VGLL1: variants seen among roughly 807,000 people sequenced by gnomAD.
VGLL1 encodes vestigial like family member 1.
In VGLL1, 4 loss-of-function variants were observed where a neutral mutation model predicts 12.0. The ratio of observed to expected loss-of-function variants is 0.33; its 90% CI spans 0.16 to 0.76. The LOEUF (loss-of-function observed/expected upper bound fraction) is 0.76. VGLL1 is among the 30% of genes least tolerant of loss of function. The probability of loss-of-function intolerance (pLI) is 0.60; values close to 1 mark genes in which losing one functional copy is unlikely to be tolerated. For missense variants in VGLL1, 204 were observed against 208.7 expected, an observed-to-expected ratio of 0.98 and a Z score of 0.14; for synonymous variants, 87 against 81.2, an observed-to-expected ratio of 1.07 and a Z score of -0.39.
At chrX:136,535,100 C>T (rs2075835821) in intron 1 of VGLL1, among the ~76,000 whole-genome samples, 1 of 111,683 alleles carries the variant, frequency 9.0e-6, no homozygotes, top group African/African-American at 3.3e-5. Flanking sequence ...TGAGGGCCCA[C>T]GGTGTGCCAG....
At chrX:136,539,416 A>G (rs971156771) in intron 2 of VGLL1, among the ~76,000 whole-genome samples, 3 of 111,688 alleles carry the variant, frequency 2.7e-5, no homozygotes, top group Non-Finnish European at 5.6e-5. Context: ...AAGGTTACCC[A>G]GTGACCTCCA....
At chrX:136,536,417 G>A (rs891789798) in intron 2 of VGLL1, among the ~76,000 whole-genome samples, 183 bp downstream of exon 2, 1 of 111,488 alleles carries the variant, frequency 9.0e-6, no homozygotes, top group African/African-American at 3.3e-5. Flanking sequence ...GCCATCTACT[G>A]CTCCAACCTT....
At chrX:136,552,024 C>T (rs1480022471) in intron 4 of VGLL1, among the ~76,000 whole-genome samples, 1 of 111,605 alleles carries the variant, frequency 9.0e-6, no homozygotes, top group Non-Finnish European at 1.9e-5. Flanking sequence ...AATCTATAGA[C>T]CCCACTAGAA....
At chrX:136,532,597 CTTT>C in intron 1 of VGLL1, among the ~76,000 whole-genome samples, 1 of 74,838 alleles carries the variant, frequency 1.3e-5, no homozygotes, top group Non-Finnish European at 2.5e-5. Flanking sequence ...TTCTTTCTTT[CTTT>C]CTTTCTTTCT....
At chrX:136,541,497 CA>C (rs1242639927) in intron 2 of VGLL1, among the ~76,000 whole-genome samples, 1 of 112,609 alleles carries the variant, frequency 8.9e-6, no homozygotes, top group African/African-American at 3.2e-5. Flanking sequence ...TCTGCTGCCT[CA>C]GGGGAGGGCC....
chrX:136,551,227 T>G (rs775738408), intron 4 of VGLL1, among the ~76,000 whole-genome samples: 7 of 109,822 alleles, frequency 6.4e-5, no homozygotes, highest in African/African-American at 2.3e-4. Flanking sequence ...TTCTTTTATT[T>G]ATTTCTTTTT....
rs958693659 is a variant in VGLL1, at chrX:136,548,987, C to T, written c.613C>T (p.Leu205=). The change falls in exon 3 of 5, where the codon CTG becomes TTG. Residue 205 remains leucine, a synonymous_variant. Transcript: ENST00000370634. ...TGGAAGCACAGGGTTGCTCTTCAAC[C>T]TGCCTCCCGGCTCAGTTCACTGTAA... ...IAGSTGLLFN[L]PPGSVHYKKL... is the part of the protein sequence containing the mutation. 8.3e-7 allele frequency: 1 copy of T among 1,208,260 alleles called. No individual in the cohort carries two copies. The highest frequency in any genetic ancestry group is 1.7e-5 in the African/African-American group (1 of 57,266).
chrX:136,550,608 CAG>C lies in VGLL1; in HGVS notation c.635-158_635-157del. 7.2e-6 allele frequency: 3 copies of C among 417,772 alleles called. No individual in the cohort carries two copies. The South Asian group carries it at 1.3e-4, about 17-fold the overall frequency. The allele number at this position is 417,772 out of a possible 1,213,427, so 34.4% of individuals were successfully genotyped here. ...CTTGGAAGGTGGTGGACCTTTAAAACAGAAGCTTCTCAGTTTTTGTAGCATCT... is the reference window on the plus strand; with the variant it reads ...CTTGGAAGGTGGTGGACCTTTAAAACAAGCTTCTCAGTTTTTGTAGCATCT... On this transcript the variant is annotated intron_variant, in intron 3 of 4. Transcript: ENST00000370634.
At chrX:136,541,645 C>T (rs183249324) in intron 2 of VGLL1, among the ~76,000 whole-genome samples, 1 of 111,865 alleles carries the variant, frequency 8.9e-6, no homozygotes, top group African/African-American at 3.2e-5. Context: ...CCCTACAGAC[C>T]AGCACCAGGC....
At chrX:136,543,970 A>T (rs1437864892) in intron 2 of VGLL1, among the ~76,000 whole-genome samples, 1 of 112,079 alleles carries the variant, frequency 8.9e-6, no homozygotes, top group East Asian at 2.8e-4. Context: ...CAAACATAAA[A>T]TATACTCCTT....
intron 2 of VGLL1, among the ~76,000 whole-genome samples, chrX:136,542,308 A>G (rs1252151827): frequency 9.0e-6 from 1 of 111,724 alleles, no homozygotes; most frequent in East Asian, 2.8e-4. Flanking sequence ...CTTTTCCCGT[A>G]AGGAAGAGGA....
chrX:136,538,235 CTT>C (rs2075845792), intron 2 of VGLL1, among the ~76,000 whole-genome samples: 1 of 112,258 alleles, frequency 8.9e-6, no homozygotes, highest in Non-Finnish European at 1.9e-5. Flanking sequence ...ACCCTGGACA[CTT>C]TTGTCTTCAT....
intron 1 of VGLL1, among the ~76,000 whole-genome samples, chrX:136,535,431 G>C (rs1279962985): frequency 8.9e-6 from 1 of 111,951 alleles, no homozygotes; most frequent in Non-Finnish European, 1.9e-5. Flanking sequence ...TTCTAAGATG[G>C]GATGCGGGTA....
chrX:136,532,812 G>T (rs957684154), intron 1 of VGLL1, among the ~76,000 whole-genome samples: 3 of 107,824 alleles, frequency 2.8e-5, no homozygotes, highest in Non-Finnish European at 5.7e-5. Context: ...TAATTATGCC[G>T]TTCTGGCGGT....
chrX:136,550,834 G>A lies in VGLL1; in HGVS notation c.688+13G>A, dbSNP rs369477399. 9.3e-5 allele frequency: 112 copies of A among 1,198,608 alleles called. No individual in the cohort carries two copies. Among genetic ancestry groups the A allele is most frequent in the Non-Finnish European group, 1.2e-4 (106 of 885,790 alleles). ...CTTCCAAATGAAAGTAGGTATCTGG[G>A]CCAGCCTTTGATGGTGTGTGTCTGT... On this transcript the variant is annotated intron_variant, in intron 4 of 4. Coordinates refer to ENST00000370634, the MANE Select transcript of VGLL1 (RefSeq NM_016267.4).
Position 136,548,958 on chromosome X carries a change from T to C in VGLL1, c.584T>C (p.Ile195Thr). The change falls in exon 3 of 5, where the codon ATA (isoleucine) becomes ACA (threonine). Residue 195 changes from isoleucine (I) to threonine (T), a missense_variant. Ile to Thr is a moderately conservative substitution (Grantham distance 89). Transcript: ENST00000370634. ...AGGGAGAATGGCAACCCTGGCCAGATAGCTGGAAGCACAGGGTTGCTCTTC... is the reference window on the plus strand; with the variant it reads ...AGGGAGAATGGCAACCCTGGCCAGACAGCTGGAAGCACAGGGTTGCTCTTC... Reference protein sequence around the residue: ...AARENGNPGQIAGSTGLLFNL... With the variant: ...AARENGNPGQTAGSTGLLFNL... The C allele has an allele frequency of 8.3e-7, 1 of 1,212,044 alleles. No individual in the cohort carries two copies. The highest frequency in any genetic ancestry group is 1.1e-6 in the Non-Finnish European group (1 of 895,532).
rs1043758000 is a variant in VGLL1, at chrX:136,538,223, G to A, written c.214+1989G>A. Among the ~76,000 whole-genome samples the A allele has an allele frequency of 6.3e-5, 7 of 111,974 alleles. No individual in the cohort carries two copies. The East Asian group carries it at 1.1e-3, about 18-fold the overall frequency. On this transcript the variant is annotated intron_variant, in intron 2 of 4. Transcript: ENST00000370634. ...GCAGGGGCTGTAGTATGACTTTCAC[G>A]GACCCTGGACACTTTTGTCTTCATG... is the stretch of plus-strand genomic sequence containing the variant.
chrX:136,536,231 A>G lies in VGLL1; in HGVS notation c.211A>G (p.Asn71Asp), dbSNP rs747535911. The stretch of plus-strand genomic sequence containing the variant: ...TCAGAGTGAAGGTGTGATGCTGAAA[A>G]ACGGTGAGCATGTGGGGAGGGAGGG... The part of the protein sequence containing the change: ...SSQSEGVMLK[N>D]DDSMSPNQWR... The change falls in exon 2 of 5, where the codon AAC becomes GAC. Residue 71 changes from asparagine (N) to aspartate (D), a missense_variant. Asn to Asp is a conservative substitution (Grantham distance 23). Transcript: ENST00000370634. 4 of 1,207,949 alleles carry G rather than the reference A, an allele frequency of 3.3e-6. No individual in the cohort carries two copies. In the Admixed American group the frequency reaches 8.7e-5, roughly 26 times the overall value.
Position 136,536,038 on chromosome X carries a change from G to A in VGLL1, c.18G>A (p.Lys6=). The change falls in exon 2 of 5, where the codon AAG becomes AAA. Residue 6 remains lysine, a synonymous_variant. Transcript: ENST00000370634. ...CACTCACAATGGAAGAAATGAAGAA[G>A]ACTGCCATCCGGCTGCCCAAAGGCA... MEEMK[K]TAIRLPKGKQ... 3.3e-6 allele frequency: 4 copies of A among 1,211,315 alleles called. No individual in the cohort carries two copies. The highest frequency in any genetic ancestry group is 4.5e-6 in the Non-Finnish European group (4 of 895,370).
Sources: gnomAD v4.1 joint callset for allele counts (sites outside exome capture counted in the v4.1 genomes callset) on GRCh38, gnomAD v4.1.1 for gene constraint, MANE v1.5 for transcripts, NCBI Gene and HGNC (gene_info 2026-07-23, HGNC 2026-07-21) for gene names.